The following ICOS variants were observed in gnomAD, a reference collection of about 807,000 sequenced individuals.
ICOS encodes the protein inducible T cell costimulator, also known as inducible T-cell costimulator.
A neutral mutation model predicts 24.6 loss-of-function variants in ICOS; 15 were observed. The ratio of observed to expected loss-of-function variants is 0.61; its 90% CI spans 0.41 to 0.94. ICOS has a LOEUF of 0.94. ICOS is among the 40% of genes least tolerant of loss of function. The pLI is 0.00. For missense variants in ICOS, 200 were observed against 233.0 expected, an observed-to-expected ratio of 0.86 and a Z score of 0.92; for synonymous variants, 89 against 77.5, an observed-to-expected ratio of 1.15 and a Z score of -0.78.
intron 1 of ICOS, among the ~76,000 whole-genome samples, chr2:203,944,907 G>A (rs1402558707): frequency 6.6e-6 from 1 of 152,054 alleles, no homozygotes; most frequent in Non-Finnish European, 1.5e-5. Context: ...TCAGATTAAG[G>A]GGTAATCAAA....
chr2:203,940,792 T>A (rs1054287224), intron 1 of ICOS, among the ~76,000 whole-genome samples: 1 of 150,198 alleles, frequency 6.7e-6, no homozygotes, highest in Non-Finnish European at 1.5e-5. Context: ...TTTCTATTAA[T>A]TTTTTTTTTG....
intron 1 of ICOS, among the ~76,000 whole-genome samples, chr2:203,937,558 TCTG>T (rs962732976): frequency 1.1e-4 from 16 of 152,346 alleles, no homozygotes; most frequent in African/African-American, 3.6e-4. Flanking sequence ...TACACGTGTT[TCTG>T]CTGCTTTTTA....
intron 1 of ICOS, among the ~76,000 whole-genome samples, chr2:203,947,816 G>C (rs1240730402): frequency 6.6e-6 from 1 of 152,140 alleles, no homozygotes; most frequent in African/African-American, 2.4e-5. Flanking sequence ...TCATCACCAG[G>C]ATCCAAGACC....
intron 1 of ICOS, among the ~76,000 whole-genome samples, chr2:203,942,890 G>A (rs183070128): frequency 5.3e-5 from 8 of 152,192 alleles, no homozygotes; most frequent in Admixed American, 1.3e-4. Context: ...GGGTTAATTC[G>A]AAGACCTTGT....
At chr2:203,941,861 TC>T (rs2105745355) in intron 1 of ICOS, among the ~76,000 whole-genome samples, 1 of 152,378 alleles carries the variant, frequency 6.6e-6, no homozygotes, top group South Asian at 2.1e-4. Context: ...ATTTTTTTTT[TC>T]AATAGTTTGG....
At chr2:203,958,248 T>G (rs1028024559) in intron 4 of ICOS, among the ~76,000 whole-genome samples, 1 of 152,204 alleles carries the variant, frequency 6.6e-6, no homozygotes, top group Admixed American at 6.5e-5. Context: ...ATCAGTTAAG[T>G]GTGAGTTACT....
Position 203,960,063 on chromosome 2 carries a change from C to G in ICOS, c.*464C>G, listed in dbSNP as rs950608077. On this transcript the variant is annotated 3_prime_UTR_variant, in exon 5 of 5. Coordinates refer to ENST00000316386, the MANE Select transcript of ICOS (RefSeq NM_012092.4). Reference sequence around the variant, plus strand: ...GATGAGAATTCCTCTTTTAATCAGTCAAGGGAGATGCTTCAAAGCTGGAGC... The same window carrying G: ...GATGAGAATTCCTCTTTTAATCAGTGAAGGGAGATGCTTCAAAGCTGGAGC... The G allele has an allele frequency of 8.9e-5, 24 of 270,296 alleles. No homozygotes were observed. Among genetic ancestry groups the G allele is most frequent in the Admixed American group, 9.5e-5 (2 of 21,036 alleles). 16.7% of individuals were successfully genotyped at this position (270,296 alleles called of 1,614,324 possible). A position where few individuals can be genotyped will look rare whatever the true frequency, so the allele number is the denominator to read the frequency against.
At chr2:203,958,738 C>T (rs1238691503) in intron 4 of ICOS, among the ~76,000 whole-genome samples, 1 of 151,864 alleles carries the variant, frequency 6.6e-6, no homozygotes, top group East Asian at 1.9e-4. Flanking sequence ...AATTGATGCT[C>T]AAAGTGTTCA....
chr2:203,953,539 AG>A (rs1690021267), intron 1 of ICOS, among the ~76,000 whole-genome samples: 1 of 152,230 alleles, frequency 6.6e-6, no homozygotes, highest in South Asian at 2.1e-4. Flanking sequence ...ATTGAAGCCC[AG>A]GGTCATTAAG....
At chr2:203,953,371 C>A (rs1008120168) in intron 1 of ICOS, among the ~76,000 whole-genome samples, 1 of 152,124 alleles carries the variant, frequency 6.6e-6, no homozygotes, top group South Asian at 2.1e-4. Flanking sequence ...TTCTTTAATG[C>A]TTTTAATAAT....
At chr2:203,950,289 A>G (rs900109984) in intron 1 of ICOS, among the ~76,000 whole-genome samples, 1 of 152,244 alleles carries the variant, frequency 6.6e-6, no homozygotes, top group Non-Finnish European at 1.5e-5. Flanking sequence ...AAGGCAGTAC[A>G]GAGGATTACA....
At chr2:203,946,426 T>A (rs1689869651) in intron 1 of ICOS, among the ~76,000 whole-genome samples, 1 of 150,536 alleles carries the variant, frequency 6.6e-6, no homozygotes. Flanking sequence ...TTTTTTTGCT[T>A]TCTTTTTTTT....
intron 1 of ICOS, among the ~76,000 whole-genome samples, chr2:203,939,109 T>C (rs1297085357): frequency 6.6e-6 from 1 of 152,220 alleles, no homozygotes; most frequent in Non-Finnish European, 1.5e-5. Flanking sequence ...TAGTCAGTGT[T>C]TGAAGAATTT....
intron 1 of ICOS, among the ~76,000 whole-genome samples, chr2:203,948,178 T>C (rs1689906172): frequency 6.6e-6 from 1 of 152,172 alleles, no homozygotes; most frequent in Non-Finnish European, 1.5e-5. Context: ...GACAGATAAT[T>C]TCCATTAGAA....
intron 1 of ICOS, among the ~76,000 whole-genome samples, chr2:203,937,194 C>CAA (rs1179380897): frequency 6.6e-6 from 1 of 152,116 alleles, no homozygotes; most frequent in Non-Finnish European, 1.5e-5. Context: ...AGATGAAAGG[C>CAA]AAAATGACTT....
At chr2:203,951,302 G>T (rs758834080) in intron 1 of ICOS, among the ~76,000 whole-genome samples, 2 of 152,140 alleles carry the variant, frequency 1.3e-5, no homozygotes, top group Admixed American at 6.5e-5. Context: ...TTTTCCCTTT[G>T]GAAGACTTAC....
At chr2:203,943,271 C>T (rs1222775073) in intron 1 of ICOS, among the ~76,000 whole-genome samples, 9 of 151,762 alleles carry the variant, frequency 5.9e-5, no homozygotes, top group Non-Finnish European at 1.3e-4. Context: ...GGTTCCTTCT[C>T]ATTTGGGTAG....
chr2:203,952,497 A>G (rs752406722), intron 1 of ICOS, among the ~76,000 whole-genome samples: 1 of 152,186 alleles, frequency 6.6e-6, no homozygotes, highest in African/African-American at 2.4e-5. Context: ...ATTTTCACTA[A>G]GATACATCTA....
intron 1 of ICOS, 25 bp downstream of exon 1, chr2:203,936,897 T>C: frequency 6.7e-7 from 1 of 1,486,388 alleles, no homozygotes; most frequent in Non-Finnish European, 9.4e-7. Context: ...GAATATTTCT[T>C]ATTAAGTTAT....
Sources: gnomAD v4.1 joint callset for allele counts (sites outside exome capture counted in the v4.1 genomes callset) on GRCh38, gnomAD v4.1.1 for gene constraint, MANE v1.5 for transcripts, NCBI Gene and HGNC (gene_info 2026-07-23, HGNC 2026-07-21) for gene names.